Variants in PRKX observed in about 807,000 individuals in gnomAD.
PRKX encodes the protein protein kinase cAMP-dependent X-linked catalytic subunit, also known as cAMP-dependent protein kinase catalytic subunit PRKX.
Under a neutral mutation model 22.0 loss-of-function variants are expected in PRKX, and 12 were observed. The ratio of observed to expected loss-of-function variants is 0.54; its 90% CI spans 0.35 to 0.88. The LOEUF (loss-of-function observed/expected upper bound fraction) is 0.88. Ranked by LOEUF, PRKX falls within the 40% of genes least tolerant of loss-of-function variation. PRKX has a pLI of 0.01. For missense variants in PRKX, 217 were observed against 308.0 expected, an observed-to-expected ratio of 0.70 and a Z score of 2.21; for synonymous variants, 134 against 137.7, an observed-to-expected ratio of 0.97 and a Z score of 0.19.
At chrX:3,638,293 C>T (rs11152534) in intron 4 of PRKX, among the ~76,000 whole-genome samples, 30,067 of 110,116 alleles carry the variant, frequency 0.27, 3,391 homozygotes, top group Admixed American at 0.44. Flanking sequence ...ATTGTTTTAA[C>T]TATAGTCTAA....
intron 5 of PRKX, among the ~76,000 whole-genome samples, chrX:3,623,970 A>G (rs1165474180): frequency 1.8e-5 from 2 of 112,246 alleles, no homozygotes; most frequent in Non-Finnish European, 3.8e-5. Context: ...ACCTGGTCAA[A>G]TGATAAAAGT....
At chrX:3,633,300 G>A (rs1181739033) in intron 4 of PRKX, among the ~76,000 whole-genome samples, 1 of 108,353 alleles carries the variant, frequency 9.2e-6, no homozygotes, top group African/African-American at 3.3e-5. Context: ...GTGGCTCACG[G>A]CTGTCATCCC....
intron 2 of PRKX, among the ~76,000 whole-genome samples, chrX:3,673,957 C>T (rs766639773): frequency 2.7e-5 from 3 of 111,220 alleles, no homozygotes; most frequent in Admixed American, 1.9e-4. Context: ...AGCGGGTCCT[C>T]GCCAGACACT....
intron 6 of PRKX, among the ~76,000 whole-genome samples, chrX:3,618,204 C>A (rs926322566): frequency 9.0e-6 from 1 of 110,537 alleles, no homozygotes; most frequent in Admixed American, 9.7e-5. Flanking sequence ...TGGGAAGGGG[C>A]TGAGATGGGA....
At chrX:3,631,047 G>C (rs1197224774) in intron 4 of PRKX, among the ~76,000 whole-genome samples, 1 of 112,142 alleles carries the variant, frequency 8.9e-6, no homozygotes, top group Non-Finnish European at 1.9e-5. Context: ...TTCTAATTCA[G>C]GTATGCTAGC....
chrX:3,625,962 G>A (rs770212045), intron 5 of PRKX, among the ~76,000 whole-genome samples: 2 of 112,082 alleles, frequency 1.8e-5, no homozygotes, highest in South Asian at 7.4e-4. Context: ...TCCAGCAACT[G>A]TAAATATCCT....
chrX:3,647,031 A>G (rs1927202342), intron 3 of PRKX, among the ~76,000 whole-genome samples: 1 of 111,026 alleles, frequency 9.0e-6, no homozygotes, highest in Non-Finnish European at 1.9e-5. Flanking sequence ...ACTTCCGTTA[A>G]ATACTCAAAG....
At chrX:3,655,778 T>C (rs1341027543) in intron 2 of PRKX, among the ~76,000 whole-genome samples, 2 of 112,484 alleles carry the variant, frequency 1.8e-5, no homozygotes, top group African/African-American at 3.2e-5. Context: ...AGAAAGATGT[T>C]AATATGTAGT....
At position 3,608,257 on chromosome X, in the gene PRKX, G is replaced by A. The variant is rs1479863139; in HGVS notation, c.*712C>T. On this transcript the variant is annotated 3_prime_UTR_variant, in exon 9 of 9. Coordinates refer to ENST00000262848, the MANE Select transcript of PRKX (RefSeq NM_005044.5). ...TTCCTCCAACAACTTCAATGTCATT[G>A]TAGATTCTTGGAATAAATTCGCTCC... is the stretch of plus-strand genomic sequence containing the variant. The A allele has an allele frequency of 9.1e-6, 1 of 109,969 alleles. No individual in the cohort carries two copies. The highest frequency in any genetic ancestry group is 2.8e-4 in the East Asian group (1 of 3,527). The allele number at this position is 109,969 out of a possible 1,213,427, so 9.1% of individuals were successfully genotyped here. A position where few individuals can be genotyped will look rare whatever the true frequency, so the allele number is the denominator to read the frequency against.
chrX:3,649,580 C>G (rs1160361613), intron 3 of PRKX, among the ~76,000 whole-genome samples: 2 of 36,059 alleles, frequency 5.5e-5, no homozygotes, highest in Non-Finnish European at 4.8e-5. Flanking sequence ...ATCCAGTTAA[C>G]AGGGTTGCTA....
At position 3,674,208 on chromosome X, in the gene PRKX, G is replaced by A. The variant is rs775280440; in HGVS notation, c.335+390C>T. On this transcript the variant is annotated intron_variant, in intron 2 of 8. Transcript: ENST00000262848. ...CCAACGAAACCTGAAGCCCAGCCCC[G>A]TCCACGTGACTGTGGTCCCTTAAAA... Among the ~76,000 whole-genome samples, 27 of 110,821 alleles carry A rather than the reference G, an allele frequency of 2.4e-4. No homozygotes were observed. In the East Asian group the frequency reaches 4.5e-3, roughly 19 times the overall value.
chrX:3,710,742 C>T (rs1928771954), intron 1 of PRKX, among the ~76,000 whole-genome samples: 1 of 111,814 alleles, frequency 8.9e-6, no homozygotes, highest in Non-Finnish European at 1.9e-5. Flanking sequence ...TCCCCTCTGC[C>T]CACCCCCCAA....
At position 3,713,488 on chromosome X, in the gene PRKX, G is replaced by C. The variant is rs1928837894; in HGVS notation, c.-235C>G. 2 of 251,148 alleles carry C rather than the reference G, an allele frequency of 8.0e-6. No homozygotes were observed. Among genetic ancestry groups the C allele is most frequent in the Admixed American group, 6.8e-5 (1 of 14,646 alleles). The allele number at this position is 251,148 out of a possible 1,213,427, so 20.7% of individuals were successfully genotyped here. ...CCGAGTGGGAGCAGCCGCCGGCCTC[G>C]GGGGGCGGGCACCGAGTGCGGGACG... is the stretch of plus-strand genomic sequence containing the variant. On this transcript the variant is annotated 5_prime_UTR_variant, in exon 1 of 9. Coordinates refer to ENST00000262848, the MANE Select transcript of PRKX (RefSeq NM_005044.5).
chrX:3,681,285 G>A (rs1928067313), intron 1 of PRKX, among the ~76,000 whole-genome samples: 1 of 109,699 alleles, frequency 9.1e-6, no homozygotes, highest in Non-Finnish European at 1.9e-5. Context: ...TCAAGAGGCC[G>A]AAGCAGGAGG....
chrX:3,626,160 G>A lies in PRKX; in HGVS notation c.815+259C>T, dbSNP rs775531339. ...TCTTATAAAATACGATGACAAACTCGTTCATTGGCTCATTTTAAATATAAC... is the reference window on the plus strand; with the variant it reads ...TCTTATAAAATACGATGACAAACTCATTCATTGGCTCATTTTAAATATAAC... On this transcript the variant is annotated intron_variant, in intron 5 of 8. Transcript: ENST00000262848. 2.7e-5 allele frequency among the ~76,000 whole-genome samples: 3 copies of A among 112,116 alleles called. No homozygotes were observed. The East Asian group carries it at 8.4e-4, about 31-fold the overall frequency.
Position 3,678,166 on chromosome X carries a change from T to C in PRKX, c.167-3400A>G, listed in dbSNP as rs1420162624. On this transcript the variant is annotated intron_variant, in intron 1 of 8. Transcript: ENST00000262848. ...CAAGCTTATCCTGCCATTGGACCTA[T>C]GAAATGGGCAACAGAGTAACCTTTT... Among the ~76,000 whole-genome samples, 5 of 112,245 alleles carry C rather than the reference T, an allele frequency of 4.5e-5. No individual in the cohort carries two copies. The East Asian group carries it at 1.1e-3, about 25-fold the overall frequency.
chrX:3,665,315 A>G (rs1172590985), intron 2 of PRKX, among the ~76,000 whole-genome samples: 1 of 110,559 alleles, frequency 9.0e-6, no homozygotes, highest in Non-Finnish European at 1.9e-5. Flanking sequence ...CATATTTACT[A>G]AAAGTACAAA....
chrX:3,623,732 CTT>C (rs890437426), intron 5 of PRKX, among the ~76,000 whole-genome samples: 1 of 111,035 alleles, frequency 9.0e-6, no homozygotes, highest in African/African-American at 3.3e-5. Flanking sequence ...TGCCGGCACT[CTT>C]TTGATGCACT....
chrX:3,680,274 G>C (rs1928045010), intron 1 of PRKX, among the ~76,000 whole-genome samples: 1 of 110,699 alleles, frequency 9.0e-6, no homozygotes, highest in African/African-American at 3.3e-5. Flanking sequence ...CTCCAAAGTA[G>C]CTGGGATTAC....
Sources: gnomAD v4.1 joint callset for allele counts (sites outside exome capture counted in the v4.1 genomes callset) on GRCh38, gnomAD v4.1.1 for gene constraint, MANE v1.5 for transcripts, NCBI Gene and HGNC (gene_info 2026-07-23, HGNC 2026-07-21) for gene names.